The following RELN variants were observed in gnomAD, a reference collection of about 807,000 sequenced individuals.
The protein encoded by RELN is reelin.
In RELN, 108 loss-of-function variants were observed where a neutral mutation model predicts 427.6. The observed-to-expected ratio is 0.25, with a 90% confidence interval of 0.22 to 0.30. The LOEUF (loss-of-function observed/expected upper bound fraction) is 0.30. Ranked by LOEUF, RELN falls within the 10% of genes least tolerant of loss-of-function variation. The pLI is 1.00. For missense variants in RELN, 3,715 were observed against 4,302.8 expected, an observed-to-expected ratio of 0.86 and a Z score of 3.82; for synonymous variants, 1,524 against 1,513.4, an observed-to-expected ratio of 1.01 and a Z score of -0.16.
intron 11 of RELN, among the ~76,000 whole-genome samples, chr7:103,665,332 C>T (rs1308981814): frequency 6.8e-6 from 1 of 147,136 alleles, no homozygotes; most frequent in African/African-American, 2.6e-5. Flanking sequence ...AAATATCATA[C>T]ATATGGTGTG....
In RELN at chr7:103,492,463, G is replaced by A. The variant is rs547916543; in HGVS notation, c.9370-437C>T. Reference sequence around the variant, plus strand: ...TTAATTACTTAATATTCGTTCTTGGGGTTTTCTGTATTTCCATATCAATGA... The same window carrying A: ...TTAATTACTTAATATTCGTTCTTGGAGTTTTCTGTATTTCCATATCAATGA... On this transcript the variant is annotated intron_variant, in intron 57 of 64. Coordinates refer to ENST00000428762, the MANE Select transcript of RELN (RefSeq NM_005045.4). Among the ~76,000 whole-genome samples, 23 of 151,974 alleles carry A rather than the reference G, an allele frequency of 1.5e-4. No homozygotes were observed. In the South Asian group the frequency reaches 4.6e-3, roughly 30 times the overall value.
intron 11 of RELN, 31 bp downstream of exon 11, chr7:103,682,085 A>G (rs374337767): frequency 3.6e-5 from 57 of 1,600,698 alleles, no homozygotes; most frequent in Non-Finnish European, 4.5e-5. Flanking sequence ...TAAGTGCTAC[A>G]TACACAGCAT....
chr7:103,952,397 A>G (rs887090066), intron 1 of RELN, among the ~76,000 whole-genome samples: 1 of 152,210 alleles, frequency 6.6e-6, no homozygotes, highest in Non-Finnish European at 1.5e-5. Context: ...CTTTACTTAA[A>G]TTTATTCTAA....
intron 2 of RELN, among the ~76,000 whole-genome samples, chr7:103,858,090 G>A (rs1793988033): frequency 6.6e-6 from 1 of 151,936 alleles, no homozygotes; most frequent in Non-Finnish European, 1.5e-5. Context: ...TGTATATAGT[G>A]TCTAGTTTGT....
At chr7:103,690,321 T>C (rs727707) in intron 10 of RELN, among the ~76,000 whole-genome samples, 150,550 of 152,174 alleles carry the variant, frequency 0.99, 74,473 homozygotes, top group Middle Eastern at 1. Flanking sequence ...TCCTTGACGG[T>C]AAAACCAAGG....
At chr7:103,694,121 A>C (rs978774929) in intron 10 of RELN, among the ~76,000 whole-genome samples, 1 of 152,148 alleles carries the variant, frequency 6.6e-6, no homozygotes, top group Non-Finnish European at 1.5e-5. Context: ...CATGGAACAA[A>C]GCTGGAGCAA....
Position 103,472,358 on chromosome 7 carries a change from G to T in RELN, c.*454C>A. 1 of 206,298 alleles carries T rather than the reference G, an allele frequency of 4.8e-6. No individual in the cohort carries two copies. Among genetic ancestry groups the T allele is most frequent in the Non-Finnish European group, 1.0e-5 (1 of 100,478 alleles). The allele number at this position is 206,298 out of a possible 1,614,324, so 12.8% of individuals were successfully genotyped here. On this transcript the variant is annotated 3_prime_UTR_variant, in exon 65 of 65. Coordinates refer to ENST00000428762, the MANE Select transcript of RELN (RefSeq NM_005045.4). ...AGTTTCAATGTGTTGTATTGTAGAAGAGAATACATAAAGGACAAACAATGA... is the reference window on the plus strand; with the variant it reads ...AGTTTCAATGTGTTGTATTGTAGAATAGAATACATAAAGGACAAACAATGA...
chr7:103,739,091 C>T (rs965412285), intron 6 of RELN, among the ~76,000 whole-genome samples: 17 of 152,262 alleles, frequency 1.1e-4, no homozygotes, highest in Admixed American at 7.2e-4. Context: ...ATTGTGTGCA[C>T]ATATCACTGT....
chr7:103,554,130 T>A (rs551470493), intron 38 of RELN, among the ~76,000 whole-genome samples: 1 of 150,544 alleles, frequency 6.6e-6, no homozygotes, highest in South Asian at 2.1e-4. Context: ...GAGGTTACAG[T>A]GAGCTGTGAC....
rs563799434 is a variant in RELN at position 103,476,873 on chromosome 7, G to T, written c.10286+1516C>A. 10 of 172,310 alleles carry T rather than the reference G, an allele frequency of 5.8e-5. No homozygotes were observed. The South Asian group carries it at 1.0e-3, about 18-fold the overall frequency. 10.7% of individuals were successfully genotyped at this position (172,310 alleles called of 1,614,324 possible). ...ATAGATAACCTTATAACTGAAATAA[G>T]AAGTGCAATGAACTTTTAAAGATTT... On this transcript the variant is annotated intron_variant, in intron 64 of 64. Coordinates refer to ENST00000428762, the MANE Select transcript of RELN (RefSeq NM_005045.4).
At chr7:103,756,880 T>G (rs894286046) in intron 4 of RELN, among the ~76,000 whole-genome samples, 1 of 152,192 alleles carries the variant, frequency 6.6e-6, no homozygotes, top group Non-Finnish European at 1.5e-5. Context: ...CTGAAAAAGA[T>G]TCACGCATAT....
intron 3 of RELN, among the ~76,000 whole-genome samples, chr7:103,800,788 C>T (rs983796482): frequency 1.3e-5 from 2 of 152,160 alleles, no homozygotes; most frequent in African/African-American, 4.8e-5. Context: ...TCAGAATGAA[C>T]AGGCAACCTA....
intron 6 of RELN, among the ~76,000 whole-genome samples, chr7:103,748,442 A>G (rs1442656038): frequency 6.6e-6 from 1 of 152,210 alleles, no homozygotes; most frequent in Non-Finnish European, 1.5e-5. Flanking sequence ...AACTCCCACC[A>G]GAGTCATCTC....
At chr7:103,614,516 C>A (rs779576744) in intron 20 of RELN, among the ~76,000 whole-genome samples, 3 of 152,176 alleles carry the variant, frequency 2.0e-5, no homozygotes, top group Non-Finnish European at 4.4e-5. Context: ...CTCTAGGGGG[C>A]AGCAGCCATC....
chr7:103,630,411 A>ATG (rs1832426643), intron 19 of RELN, among the ~76,000 whole-genome samples: 1 of 152,128 alleles, frequency 6.6e-6, no homozygotes, highest in Non-Finnish European at 1.5e-5. Flanking sequence ...CTCAATAAAC[A>ATG]TGGTGGTCAA....
At chr7:103,975,388 A>T (rs1250546265) in intron 1 of RELN, among the ~76,000 whole-genome samples, 2 of 152,230 alleles carry the variant, frequency 1.3e-5, no homozygotes, top group Non-Finnish European at 2.9e-5. Flanking sequence ...ATGAGGTTTT[A>T]AGGTATTTAT....
At chr7:103,969,424 G>T (rs1342016758) in intron 1 of RELN, among the ~76,000 whole-genome samples, 1 of 152,112 alleles carries the variant, frequency 6.6e-6, no homozygotes, top group African/African-American at 2.4e-5. Context: ...AGATGTCTAG[G>T]TACAAAATAT....
chr7:103,895,215 T>C (rs539968985), intron 2 of RELN, among the ~76,000 whole-genome samples: 1 of 152,236 alleles, frequency 6.6e-6, no homozygotes, highest in East Asian at 1.9e-4. Context: ...CTAATTAGCA[T>C]TAGAGGGCTG....
At chr7:103,641,090 T>G (rs943820797) in intron 16 of RELN, among the ~76,000 whole-genome samples, 4 of 152,064 alleles carry the variant, frequency 2.6e-5, no homozygotes, top group Non-Finnish European at 5.9e-5. Flanking sequence ...AAATGAGGAG[T>G]TAAGAATATG....
Sources: allele counts gnomAD v4.1 joint callset (sites outside exome capture counted in the v4.1 genomes callset), GRCh38; gene constraint gnomAD v4.1.1; transcripts MANE v1.5; gene names NCBI Gene and HGNC (gene_info 2026-07-23, HGNC 2026-07-21).